The following SND1 variants were observed in gnomAD, a reference collection of about 807,000 sequenced individuals.
The protein encoded by SND1 is staphylococcal nuclease and tudor domain containing 1.
A neutral mutation model predicts 121.7 loss-of-function variants in SND1; 38 were observed. That is an observed-to-expected ratio of 0.31 (90% CI 0.24 to 0.41). The LOEUF is 0.41. Among genes scored for constraint, SND1 ranks in the 10% least tolerant of loss-of-function variants. The probability of loss-of-function intolerance (pLI) is 1.00; values close to 1 mark genes in which losing one functional copy is unlikely to be tolerated. For synonymous variants in SND1, 401 were observed against 447.4 expected (o/e 0.90, Z 1.31); for missense variants, 868 against 1,184.6 (o/e 0.73, Z 3.92).
intron 10 of SND1, among the ~76,000 whole-genome samples, chr7:127,778,592 G>A (rs1399182477): frequency 6.6e-6 from 1 of 152,186 alleles, no homozygotes; most frequent in East Asian, 1.9e-4. Flanking sequence ...ACTGACCTGG[G>A]TTTCTGTGAC....
rs1158872265 is a variant in SND1 at position 128,015,551 on chromosome 7, TGCTCAGTTTTTCA to T, written c.1779+24497_1779+24509del. ...ACTTTGGCAACTTCTCAAAGTACAA[TGCTCAGTTTTTCA>T]GTCTGGTTCAAGGTGCTTAAAGGTA... On this transcript the variant is annotated intron_variant, in intron 16 of 23. Transcript: ENST00000354725. This position sits in a 1 kb window ranked among gnomAD's most constrained non-coding sequence, Gnocchi z 4.5. Among the ~76,000 whole-genome samples, 1 of 152,206 alleles carries T rather than the reference TGCTCAGTTTTTCA, an allele frequency of 6.6e-6. No homozygotes were observed. The highest frequency in any genetic ancestry group is 6.5e-5 in the Admixed American group (1 of 15,290).
intron 15 of SND1, among the ~76,000 whole-genome samples, chr7:127,933,379 T>C (rs1800992611): frequency 6.6e-6 from 1 of 152,244 alleles, no homozygotes; most frequent in Non-Finnish European, 1.5e-5. Flanking sequence ...GATAAAAATA[T>C]AAGCCTTTTA....
In SND1 at chr7:127,929,397, TC is replaced by T. The variant is rs1052477367; in HGVS notation, c.1669+73del. 6 of 1,533,064 alleles carry T rather than the reference TC, an allele frequency of 3.9e-6. No individual in the cohort carries two copies. In the African/African-American group the frequency reaches 5.5e-5, roughly 14 times the overall value. 95.0% of individuals were successfully genotyped at this position (1,533,064 alleles called of 1,614,324 possible). A position where few individuals can be genotyped will look rare whatever the true frequency, so the allele number is the denominator to read the frequency against. Reference sequence around the variant, plus strand: ...TCCCTGGAAACCACATACCCTCCTTTCCCCCTGTGTTCTAGATAGGCCCTAG... The same window carrying T: ...TCCCTGGAAACCACATACCCTCCTTTCCCCTGTGTTCTAGATAGGCCCTAG... On this transcript the variant is annotated intron_variant, in intron 15 of 23. Transcript: ENST00000354725.
chr7:127,857,905 T>A, intron 12 of SND1: 1 of 1,396,768 alleles, frequency 7.2e-7, no homozygotes, highest in Middle Eastern at 1.8e-4. Context: ...ACGAAGGGGG[T>A]CCAGCTTCCG....
intron 15 of SND1, among the ~76,000 whole-genome samples, chr7:127,974,375 G>C (rs1304309342): frequency 6.6e-6 from 1 of 152,170 alleles, no homozygotes; most frequent in Non-Finnish European, 1.5e-5. Flanking sequence ...ATTCGTTCAT[G>C]CTCCTTCTTT....
At chr7:127,795,471 C>T (rs1027133247) in intron 10 of SND1, among the ~76,000 whole-genome samples, 4 of 152,276 alleles carry the variant, frequency 2.6e-5, no homozygotes, top group Non-Finnish European at 2.9e-5. Context: ...TTTATTTTAG[C>T]GTTGAACTGT....
At chr7:127,791,748 G>T (rs1385662032) in intron 10 of SND1, among the ~76,000 whole-genome samples, 1 of 152,130 alleles carries the variant, frequency 6.6e-6, no homozygotes, top group African/African-American at 2.4e-5. Context: ...ACAAATCTGG[G>T]ATTTTTTTCA....
chr7:127,912,597 T>C (rs1392469483), intron 14 of SND1, among the ~76,000 whole-genome samples: 1 of 152,232 alleles, frequency 6.6e-6, no homozygotes, highest in Non-Finnish European at 1.5e-5. Flanking sequence ...AACTTATCTA[T>C]ATCTGTTCTT....
chr7:127,908,359 T>TGTGTGTGC (rs1491436509), intron 14 of SND1, among the ~76,000 whole-genome samples: 4 of 144,946 alleles, frequency 2.8e-5, no homozygotes, highest in African/African-American at 7.8e-5. Flanking sequence ...TGTGTGTGTG[T>TGTGTGTGC]GCGTGCGTGT....
At chr7:127,774,703 T>C (rs570192219) in intron 10 of SND1, among the ~76,000 whole-genome samples, 1 of 152,212 alleles carries the variant, frequency 6.6e-6, no homozygotes, top group South Asian at 2.1e-4. Context: ...CTCAGCCTCT[T>C]GAGAAGCTAG....
chr7:127,973,352 A>G (rs1802043265), intron 15 of SND1, among the ~76,000 whole-genome samples: 1 of 152,226 alleles, frequency 6.6e-6, no homozygotes, highest in African/African-American at 2.4e-5. Context: ...CACAGAGAGC[A>G]AATGATTGCC....
rs1002125777 is a variant in SND1 at position 127,705,091 on chromosome 7, C to G, written c.947+146C>G. 2.3e-5 allele frequency: 15 copies of G among 656,704 alleles called. No homozygotes were observed. In the African/African-American group the frequency reaches 2.7e-4, roughly 12 times the overall value. 40.7% of individuals were successfully genotyped at this position (656,704 alleles called of 1,614,324 possible). ...AGGGCAGTTCCTTATAGAGGAGTGA[C>G]TTAAATATTGGTCTTCAGGTTCAGT... On this transcript the variant is annotated intron_variant, in intron 8 of 23. Transcript: ENST00000354725.
At chr7:127,673,190 TATA>T (rs72193447) in intron 1 of SND1, among the ~76,000 whole-genome samples, 32,369 of 147,930 alleles carry the variant, frequency 0.22, 4,071 homozygotes, top group African/African-American at 0.35. Flanking sequence ...TACTATATAT[TATA>T]ATATATGATA....
In SND1 at chr7:127,990,093, G is replaced by A. The variant is rs1008663743; in HGVS notation, c.1670-854G>A. 2.0e-5 allele frequency among the ~76,000 whole-genome samples: 3 copies of A among 152,194 alleles called. No individual in the cohort carries two copies. In the East Asian group the frequency reaches 5.8e-4, roughly 29 times the overall value. On this transcript the variant is annotated intron_variant, in intron 15 of 23. Coordinates refer to ENST00000354725, the MANE Select transcript of SND1 (RefSeq NM_014390.4). ...GTTTTGAGCATGGGAATTGCTAAGA[G>A]TGATAATGATGATACAGATAATATT...
At chr7:127,828,480 C>T (rs902636872) in intron 11 of SND1, among the ~76,000 whole-genome samples, 1 of 151,602 alleles carries the variant, frequency 6.6e-6, no homozygotes, top group Non-Finnish European at 1.5e-5. Context: ...CAGTAAATTC[C>T]TGTCTGTAGT....
intron 8 of SND1, among the ~76,000 whole-genome samples, chr7:127,706,462 G>A (rs931084395): frequency 2.6e-5 from 4 of 151,936 alleles, no homozygotes; most frequent in Non-Finnish European, 4.4e-5. Context: ...GTTTCACCAC[G>A]TTGGCCAGGA....
chr7:127,704,786 C>T (rs1261354961), intron 7 of SND1, 53 bp from the exon 8 acceptor site: 12 of 1,408,726 alleles, frequency 8.5e-6, no homozygotes, highest in Non-Finnish European at 9.0e-6. Context: ...GAAATGGATT[C>T]TTTTACAACA....
At chr7:127,701,957 A>G (rs1031191572) in intron 5 of SND1, among the ~76,000 whole-genome samples, 1 of 152,078 alleles carries the variant, frequency 6.6e-6, no homozygotes, top group African/African-American at 2.4e-5. Flanking sequence ...TTTTTTCTGA[A>G]TATTTTTGAC....
At chr7:128,055,630 T>C (rs940919480) in intron 16 of SND1, among the ~76,000 whole-genome samples, 3 of 152,182 alleles carry the variant, frequency 2.0e-5, no homozygotes, top group African/African-American at 7.2e-5. Flanking sequence ...TGCTGCTAAC[T>C]GGAGTGCTCC....
Sources: allele counts gnomAD v4.1 joint callset (sites outside exome capture counted in the v4.1 genomes callset), GRCh38; gene constraint gnomAD v4.1.1; non-coding constraint Gnocchi (gnomAD v3.1); transcripts MANE v1.5; gene names NCBI Gene and HGNC (gene_info 2026-07-23, HGNC 2026-07-21).